The following ULK4 variants were observed in gnomAD, a reference collection of about 807,000 sequenced individuals.
ULK4 encodes unc-51 like kinase 4.
ULK4 carries 133 observed loss-of-function variants against 160.6 expected under a neutral mutation model. The observed-to-expected ratio is 0.83, with a 90% CI of 0.72 to 0.96. ULK4 has a LOEUF of 0.96. Ranked by LOEUF, ULK4 falls within the 40% of genes least tolerant of loss-of-function variation. ULK4 has a pLI of 0.00. For synonymous variants in ULK4, 534 were observed against 539.8 expected (o/e 0.99, Z 0.15); for missense variants, 1,580 against 1,499.5 (o/e 1.05, Z -0.89).
chr3:41,311,961 T>C (rs1012630421), intron 35 of ULK4, among the ~76,000 whole-genome samples: 1 of 98,230 alleles, frequency 1.0e-5, no homozygotes, highest in Non-Finnish European at 1.9e-5. Flanking sequence ...CTAACACACA[T>C]TTATTTTATT....
In ULK4 at chr3:41,384,776, A is replaced by G. The variant is rs139716012; in HGVS notation, c.3678+13303T>C. 6.7e-3 allele frequency among the ~76,000 whole-genome samples: 1,014 copies of G among 152,158 alleles called. 3 individuals are homozygous for G. The highest frequency in any genetic ancestry group is 0.015 in the African/African-American group (624 of 41,524). Reference sequence around the variant, plus strand: ...ATTTTTGTATTTTCAGTAGAGATGGAGTTTCACCATGTTAGCCAGGTTGGT... The same window carrying G: ...ATTTTTGTATTTTCAGTAGAGATGGGGTTTCACCATGTTAGCCAGGTTGGT... On this transcript the variant is annotated intron_variant, in intron 35 of 36. Transcript: ENST00000301831.
chr3:41,387,792 GTTC>G (rs899739748), intron 35 of ULK4, among the ~76,000 whole-genome samples: 106 of 152,272 alleles, frequency 7.0e-4, no homozygotes, highest in African/African-American at 2.3e-3. Context: ...ATTTGGGTTG[GTTC>G]CAAGTCTCTG....
At chr3:41,452,219 C>T (rs1020750335) in intron 34 of ULK4, among the ~76,000 whole-genome samples, 18 of 152,116 alleles carry the variant, frequency 1.2e-4, no homozygotes, top group Non-Finnish European at 2.9e-5. Context: ...AGAAAGCTCC[C>T]TAGGCAGCAC....
At chr3:41,361,636 C>G (rs1333191398) in intron 35 of ULK4, among the ~76,000 whole-genome samples, 2 of 152,174 alleles carry the variant, frequency 1.3e-5, no homozygotes, top group African/African-American at 2.4e-5. Flanking sequence ...ATGTGACTGA[C>G]TAGAACCTTT....
At chr3:41,469,602 CAAAAA>C (rs71616008) in intron 32 of ULK4, among the ~76,000 whole-genome samples, 98 of 11,312 alleles carry the variant, frequency 8.7e-3, no homozygotes, top group African/African-American at 0.029. Context: ...CTACACCTGC[CAAAAA>C]AAAAAAAAAA....
chr3:41,780,497 T>C (rs2039802467), intron 21 of ULK4, among the ~76,000 whole-genome samples: 1 of 152,036 alleles, frequency 6.6e-6, no homozygotes, highest in South Asian at 2.1e-4. Flanking sequence ...AAGATCACAT[T>C]TTCTGTCAGT....
At chr3:41,777,916 C>G (rs536340495) in intron 21 of ULK4, among the ~76,000 whole-genome samples, 4 of 141,826 alleles carry the variant, frequency 2.8e-5, no homozygotes, top group Admixed American at 2.1e-4. Context: ...CCTTTGAAAA[C>G]TGGCACAAGA....
At chr3:41,547,839 G>A (rs747364966) in intron 32 of ULK4, among the ~76,000 whole-genome samples, 9 of 152,162 alleles carry the variant, frequency 5.9e-5, no homozygotes, top group Admixed American at 1.3e-4. Flanking sequence ...TAGCCCATGC[G>A]GTGTCCTACA....
chr3:41,780,544 T>C (rs935584643), intron 21 of ULK4, among the ~76,000 whole-genome samples: 12 of 152,156 alleles, frequency 7.9e-5, no homozygotes, highest in Middle Eastern at 3.4e-3. Context: ...AAGGCTACAA[T>C]TGATGCTCTT....
chr3:41,571,566 CAT>C (rs2087975324), intron 31 of ULK4, among the ~76,000 whole-genome samples: 2 of 152,088 alleles, frequency 1.3e-5, no homozygotes, highest in Admixed American at 6.6e-5. Context: ...TGAGAGTAAA[CAT>C]GTGGGGCTCG....
intron 32 of ULK4, among the ~76,000 whole-genome samples, chr3:41,544,429 C>T (rs574946557): frequency 6.6e-6 from 1 of 152,298 alleles, no homozygotes; most frequent in East Asian, 1.9e-4. Flanking sequence ...CTGCACAGGG[C>T]CTCAACATCA....
chr3:41,287,938 G>C (rs562136421), intron 35 of ULK4, among the ~76,000 whole-genome samples: 1 of 152,138 alleles, frequency 6.6e-6, no homozygotes, highest in Admixed American at 6.5e-5. Flanking sequence ...TCATAAACTA[G>C]GTTGAAACTT....
At chr3:41,736,119 C>T (rs1016029244) in intron 22 of ULK4, among the ~76,000 whole-genome samples, 13 of 151,530 alleles carry the variant, frequency 8.6e-5, no homozygotes, top group Admixed American at 1.3e-4. Flanking sequence ...GGTTTCAAGT[C>T]TTTGCTATTG....
intron 33 of ULK4, among the ~76,000 whole-genome samples, chr3:41,457,726 G>A (rs1224968572): frequency 6.6e-6 from 1 of 152,134 alleles, no homozygotes; most frequent in African/African-American, 2.4e-5. Flanking sequence ...ATCTTGTACA[G>A]GGCCCGTGTC....
rs141263545 is a variant in ULK4 at position 41,613,659 on chromosome 3, C to G, written c.3120+2010G>C. On this transcript the variant is annotated intron_variant, in intron 31 of 36. Transcript: ENST00000301831. ...ATCGATTGAAAAATGTATTTCTACA[C>G]AGAAAAAAGTTGAGATTATTCAACT... is the stretch of plus-strand genomic sequence containing the variant. 4.0e-3 allele frequency among the ~76,000 whole-genome samples: 612 copies of G among 152,286 alleles called. 7 individuals are homozygous for G. The highest frequency in any genetic ancestry group is 0.014 in the African/African-American group (583 of 41,574).
At chr3:41,469,215 T>C (rs1005883417) in intron 32 of ULK4, among the ~76,000 whole-genome samples, 18 of 152,156 alleles carry the variant, frequency 1.2e-4, no homozygotes, top group Middle Eastern at 6.8e-3. Context: ...GCTTCAAAGC[T>C]CACCTCAAGA....
At chr3:41,305,197 C>CCTCTCCCCACGGTCTCA (rs2079881649) in intron 35 of ULK4, among the ~76,000 whole-genome samples, 1 of 108,776 alleles carries the variant, frequency 9.2e-6, no homozygotes, top group African/African-American at 4.3e-5. Flanking sequence ...TCTCCCTCTC[C>CCTCTCCCCACGGTCTCA]CTCTCCCTCT....
intron 21 of ULK4, among the ~76,000 whole-genome samples, chr3:41,786,120 T>A (rs2039990796): frequency 6.6e-6 from 1 of 152,140 alleles, no homozygotes; most frequent in Non-Finnish European, 1.5e-5. Flanking sequence ...CTCTATCACA[T>A]ACCCTGTTCT....
At chr3:41,749,858 C>T (rs1392475377) in intron 22 of ULK4, among the ~76,000 whole-genome samples, 5 of 152,094 alleles carry the variant, frequency 3.3e-5, no homozygotes, top group Non-Finnish European at 5.9e-5. Flanking sequence ...GGAATGAGTG[C>T]CTGCTTCTCA....
Sources: allele counts gnomAD v4.1 joint callset (sites outside exome capture counted in the v4.1 genomes callset), GRCh38; gene constraint gnomAD v4.1.1; transcripts MANE v1.5; gene names NCBI Gene and HGNC (gene_info 2026-07-23, HGNC 2026-07-21).